Variants in ARPP21 observed in about 807,000 individuals in gnomAD.
ARPP21 encodes cAMP regulated phosphoprotein 21.
In ARPP21, 69 loss-of-function variants were observed where a neutral mutation model predicts 113.2. That is an observed-to-expected ratio of 0.61 (90% CI 0.50 to 0.74). The LOEUF (loss-of-function observed/expected upper bound fraction) is 0.74. ARPP21 is among the 30% of genes least tolerant of loss of function. ARPP21 has a pLI of 0.00. For missense variants in ARPP21, 1,070 were observed against 1,037.4 expected (o/e 1.03, Z -0.43); for synonymous variants, 368 against 375.5 (o/e 0.98, Z 0.23).
In ARPP21 at chr3:35,737,198, G is replaced by C; in HGVS notation, c.1480G>C (p.Asp494His). The C allele has an allele frequency of 6.2e-7, 1 of 1,608,744 alleles. No individual in the cohort carries two copies. Among genetic ancestry groups the C allele is most frequent in the Non-Finnish European group, 8.5e-7 (1 of 1,176,574 alleles). Residue 494 changes from aspartate to histidine, a missense_variant, in exon 16 of 21, where the codon GAT (aspartate) becomes CAT (histidine). By Grantham distance (81) the Asp-to-His change is moderately conservative. Coordinates refer to ENST00000684406, the MANE Select transcript of ARPP21 (RefSeq NM_001385562.1). ...PHTGQPFVNP[D>H]GTPAIYNPPT... ...TGCAGGCCAGCCCTTTGTGAATCCCGATGGAACTCCTGCAATATACAACCC... is the reference window on the plus strand; with the variant it reads ...TGCAGGCCAGCCCTTTGTGAATCCCCATGGAACTCCTGCAATATACAACCC...
intron 19 of ARPP21, among the ~76,000 whole-genome samples, chr3:35,778,489 T>C (rs989317950): frequency 3.9e-5 from 6 of 152,162 alleles, no homozygotes; most frequent in Non-Finnish European, 5.9e-5. Context: ...TCCTCTCAGC[T>C]CTTGCTAACT....
chr3:35,730,449 A>G (rs766815391), intron 15 of ARPP21, among the ~76,000 whole-genome samples: 4 of 152,188 alleles, frequency 2.6e-5, no homozygotes, highest in Non-Finnish European at 5.9e-5. Context: ...GCTGCTAAAC[A>G]TCCCCCAAGG....
At chr3:35,714,209 G>C (rs1368984375) in intron 11 of ARPP21, among the ~76,000 whole-genome samples, 3 of 152,158 alleles carry the variant, frequency 2.0e-5, no homozygotes, top group Non-Finnish European at 4.4e-5. Flanking sequence ...TGCATGTTAA[G>C]TGCAGCAAGG....
chr3:35,776,169 T>C lies in ARPP21; in HGVS notation c.2138-16213T>C, dbSNP rs117584966. Among the ~76,000 whole-genome samples the C allele has an allele frequency of 1.3e-3, 198 of 152,328 alleles. 5 individuals carry two copies. In the East Asian group the frequency reaches 0.033, roughly 25 times the overall value. On this transcript the variant is annotated intron_variant, in intron 19 of 20. Transcript: ENST00000684406. Reference sequence around the variant, plus strand: ...TGTTCCATGTGTGTTGAGAATGTTATTAAACATTGCATTTTAAAGAATATT... The same window carrying C: ...TGTTCCATGTGTGTTGAGAATGTTACTAAACATTGCATTTTAAAGAATATT...
chr3:35,793,105 A>G (rs753723541), intron 20 of ARPP21, among the ~76,000 whole-genome samples: 3 of 152,204 alleles, frequency 2.0e-5, no homozygotes, highest in Non-Finnish European at 4.4e-5. Flanking sequence ...TAATAATTAA[A>G]TTTAACTGTA....
chr3:35,682,943 T>C, intron 4 of ARPP21, 54 bp downstream of exon 4: 2 of 1,472,298 alleles, frequency 1.4e-6, no homozygotes, highest in Non-Finnish European at 1.9e-6. Flanking sequence ...AAATTACATA[T>C]TTTACATCAG....
intron 9 of ARPP21, among the ~76,000 whole-genome samples, chr3:35,693,736 A>C (rs1010249485): frequency 2.0e-5 from 3 of 151,648 alleles, no homozygotes; most frequent in African/African-American, 7.3e-5. Flanking sequence ...GGCAATCAAC[A>C]TGTGTTGGTC....
intron 5 of ARPP21, chr3:35,685,095 G>A (rs1465140861): frequency 1.0e-6 from 1 of 985,248 alleles, no homozygotes; most frequent in Non-Finnish European, 1.2e-6. Context: ...GAGAAGTAAT[G>A]CCCCAGTTGT....
At chr3:35,648,033 A>G (rs564270819) in intron 1 of ARPP21, among the ~76,000 whole-genome samples, 1 of 152,280 alleles carries the variant, frequency 6.6e-6, no homozygotes, top group East Asian at 1.9e-4. Context: ...AAAAAAAAAT[A>G]TTTTGGTAAT....
intron 11 of ARPP21, among the ~76,000 whole-genome samples, chr3:35,712,273 A>C (rs947027108): frequency 2.6e-5 from 4 of 152,184 alleles, no homozygotes; most frequent in African/African-American, 4.8e-5. Context: ...TCTTTAGTTT[A>C]GTTTCTTCAT....
chr3:35,760,762 TG>T lies in ARPP21; in HGVS notation c.2137+16800del, dbSNP rs555369230. Among the ~76,000 whole-genome samples the T allele has an allele frequency of 4.3e-4, 66 of 152,170 alleles. 1 individual carries two copies. In the South Asian group the frequency reaches 0.013, roughly 31 times the overall value. ...GTGTGAATGTGATGTAAATTTGCCA[TG>T]GGAAAAAGTGCATTTTCATGGTTCC... On this transcript the variant is annotated intron_variant, in intron 19 of 20. Coordinates refer to ENST00000684406, the MANE Select transcript of ARPP21 (RefSeq NM_001385562.1).
At chr3:35,777,735 G>C (rs2096413293) in intron 19 of ARPP21, among the ~76,000 whole-genome samples, 1 of 151,936 alleles carries the variant, frequency 6.6e-6, no homozygotes, top group Non-Finnish European at 1.5e-5. Context: ...TTATCTATTT[G>C]ATCTCAGCCA....
chr3:35,712,764 C>A (rs2091561598), intron 11 of ARPP21, among the ~76,000 whole-genome samples: 1 of 151,992 alleles, frequency 6.6e-6, no homozygotes, highest in African/African-American at 2.4e-5. Flanking sequence ...AATTTAGTAC[C>A]TAAATAATAA....
chr3:35,699,926 TCAATC>T (rs1302437275), intron 9 of ARPP21, among the ~76,000 whole-genome samples: 5 of 151,796 alleles, frequency 3.3e-5, no homozygotes, highest in African/African-American at 1.2e-4. Context: ...AATACACAGA[TCAATC>T]CATTATTTTA....
intron 13 of ARPP21, among the ~76,000 whole-genome samples, chr3:35,718,364 A>G (rs985571504): frequency 3.3e-5 from 5 of 152,154 alleles, no homozygotes; most frequent in Middle Eastern, 3.2e-3. Context: ...TCTTTTCCAC[A>G]CTTGAAGATT....
chr3:35,663,401 T>C (rs1327073535), intron 1 of ARPP21, among the ~76,000 whole-genome samples: 1 of 152,224 alleles, frequency 6.6e-6, no homozygotes, highest in African/African-American at 2.4e-5. Flanking sequence ...AGTTCTTGCA[T>C]CTGACAATGA....
chr3:35,684,185 T>A, intron 5 of ARPP21: 1 of 1,357,092 alleles, frequency 7.4e-7, no homozygotes, highest in Non-Finnish European at 9.6e-7. Flanking sequence ...TGGAGATGTC[T>A]TACCTCTCAG....
chr3:35,670,669 C>A (rs543143454), intron 1 of ARPP21, among the ~76,000 whole-genome samples: 1 of 151,978 alleles, frequency 6.6e-6, no homozygotes, highest in Non-Finnish European at 1.5e-5. Context: ...AACAAACACA[C>A]GCCAATTCAG....
intron 8 of ARPP21, 91 bp from the exon 9 acceptor site, chr3:35,690,774 G>C: frequency 5.8e-6 from 7 of 1,216,924 alleles, no homozygotes; most frequent in Non-Finnish European, 7.8e-6. Context: ...TTTAGATGAA[G>C]AAGAAATAGT....
Sources: gnomAD v4.1 joint callset for allele counts (sites outside exome capture counted in the v4.1 genomes callset) on GRCh38, gnomAD v4.1.1 for gene constraint, MANE v1.5 for transcripts, NCBI Gene and HGNC (gene_info 2026-07-23, HGNC 2026-07-21) for gene names.